DMXL1: variants seen among roughly 807,000 people sequenced by gnomAD.
The protein encoded by DMXL1 is dmX-like protein 1.
In DMXL1, 99 loss-of-function variants were observed where a neutral mutation model predicts 319.2. The ratio of observed to expected loss-of-function variants is 0.31; its 90% CI spans 0.26 to 0.37. The LOEUF (loss-of-function observed/expected upper bound fraction) is 0.37. Among genes scored for constraint, DMXL1 ranks in the 10% least tolerant of loss-of-function variants. DMXL1 has a pLI of 1.00. For missense variants in DMXL1, 3,745 were observed against 3,595.6 expected (o/e 1.04, Z -1.06); for synonymous variants, 1,385 against 1,235.2 (o/e 1.12, Z -2.54).
At chr5:119,080,377 A>T (rs1267985932) in intron 1 of DMXL1, among the ~76,000 whole-genome samples, 1 of 152,094 alleles carries the variant, frequency 6.6e-6, no homozygotes, top group East Asian at 1.9e-4. Context: ...AAAGTGTTCT[A>T]TACTCAGTCA....
Position 119,171,060 on chromosome 5 carries a change from A to T in DMXL1, c.6269A>T (p.Asn2090Ile). ...GAACTACAGTCTGCATTTGGCAGAAATGAAGATGAATTTGGATTAAATGAG... is the reference window on the plus strand; with the variant it reads ...GAACTACAGTCTGCATTTGGCAGAATTGAAGATGAATTTGGATTAAATGAG... ...AEELQSAFGR[N>I]EDEFGLNEDA... Residue 2090 changes from asparagine to isoleucine, a missense_variant, in exon 24 of 44, where the codon AAT becomes ATT. By Grantham distance (149) the Asn-to-Ile change is moderately radical. Around this residue, in one of 4 missense-constraint regions of DMXL1, gnomAD observed 1,382 missense variants for 1,269.5 expected, o/e 1.09. Transcript: ENST00000539542. 1 of 1,613,918 alleles carries T rather than the reference A, an allele frequency of 6.2e-7. No individual in the cohort carries two copies. The highest frequency in any genetic ancestry group is 8.5e-7 in the Non-Finnish European group (1 of 1,179,864).
chr5:119,235,783 TAGG>T (rs1787640224), intron 39 of DMXL1, among the ~76,000 whole-genome samples: 1 of 152,008 alleles, frequency 6.6e-6, no homozygotes, highest in African/African-American at 2.4e-5. Context: ...CACAAATAGA[TAGG>T]AGAACAATAT....
chr5:119,202,041 T>C (rs958951310), intron 32 of DMXL1, among the ~76,000 whole-genome samples: 3 of 152,216 alleles, frequency 2.0e-5, no homozygotes, highest in Non-Finnish European at 4.4e-5. Flanking sequence ...GTTGATCTTT[T>C]GAATGGTTTT....
chr5:119,200,448 C>G (rs531433689), intron 32 of DMXL1, among the ~76,000 whole-genome samples: 10 of 152,228 alleles, frequency 6.6e-5, no homozygotes, highest in African/African-American at 2.4e-4. Context: ...TGTTTTTGTA[C>G]CAATACTGTT....
At chr5:119,077,447 G>A (rs545510890) in intron 1 of DMXL1, among the ~76,000 whole-genome samples, 2 of 118,640 alleles carry the variant, frequency 1.7e-5, no homozygotes, top group Non-Finnish European at 3.6e-5. Context: ...TGATTTAGAA[G>A]TTTCATGTAT....
intron 15 of DMXL1, among the ~76,000 whole-genome samples, chr5:119,145,399 C>T (rs1245453439): frequency 1.3e-5 from 2 of 151,666 alleles, no homozygotes; most frequent in Non-Finnish European, 3.0e-5. Flanking sequence ...TGCTTTTAGT[C>T]TTCTATCAGT....
intron 1 of DMXL1, among the ~76,000 whole-genome samples, chr5:119,087,142 A>T (rs1281219882): frequency 1.3e-5 from 2 of 148,450 alleles, no homozygotes; most frequent in African/African-American, 5.1e-5. Context: ...CATTTCATTG[A>T]TCTTTTTTTT....
In DMXL1 at chr5:119,094,170, A is replaced by AGGCCT. The variant is rs758270910; in HGVS notation, c.88-3808_88-3804dup. On this transcript the variant is annotated intron_variant, in intron 1 of 43. Coordinates refer to ENST00000539542, the MANE Select transcript of DMXL1 (RefSeq NM_001290321.3). ...CTTCTGTTGGAAGAAGATGCCATCTAGGCCTTTCATAACTAGAGAGGAGAG... is the reference window on the plus strand; with the variant it reads ...CTTCTGTTGGAAGAAGATGCCATCTAGGCCTGGCCTTTCATAACTAGAGAGGAGAG... 2.8e-4 allele frequency among the ~76,000 whole-genome samples: 42 copies of AGGCCT among 152,366 alleles called. 1 individual carries two copies. The highest frequency in any genetic ancestry group is 2.2e-3 in the Admixed American group (33 of 15,306).
intron 9 of DMXL1, among the ~76,000 whole-genome samples, chr5:119,125,667 C>G (rs998155572): frequency 1.3e-5 from 2 of 152,032 alleles, no homozygotes; most frequent in Admixed American, 6.6e-5. Context: ...CGGGTTCATG[C>G]CATTCTCCTG....
chr5:119,092,371 T>C (rs1352585465), intron 1 of DMXL1, among the ~76,000 whole-genome samples: 1 of 152,148 alleles, frequency 6.6e-6, no homozygotes, highest in Non-Finnish European at 1.5e-5. Flanking sequence ...CTTTTCTCCT[T>C]AGCCTCCTGA....
chr5:119,154,731 A>G (rs892888207), intron 19 of DMXL1: 1 of 153,672 alleles, frequency 6.5e-6, no homozygotes, highest in African/African-American at 2.4e-5. Context: ...TAATGGATGA[A>G]GGTGGCTACA....
intron 25 of DMXL1, among the ~76,000 whole-genome samples, chr5:119,173,768 G>A (rs1294223111): frequency 0.025 from 902 of 35,484 alleles, 14 homozygotes; most frequent in South Asian, 0.045. Flanking sequence ...ATATATATAT[G>A]TGTGTGTGTA....
In DMXL1 at chr5:119,233,413, A is replaced by G. The variant is rs1581469044; in HGVS notation, c.8412A>G (p.Arg2804=). The G allele has an allele frequency of 6.2e-7, 1 of 1,612,780 alleles. No homozygotes were observed. ...ATTCTCAACAAATAACCTGTTTTCG[A>G]TCTGGTGGCAATTCAAGAGTTACAA... is the stretch of plus-strand genomic sequence containing the variant. The part of the protein sequence containing the change: ...WGHSQQITCF[R]SGGNSRVTRM... The change falls in exon 39 of 44, where the codon CGA becomes CGG. Residue 2804 remains arginine, a synonymous_variant. Coordinates refer to ENST00000539542, the MANE Select transcript of DMXL1 (RefSeq NM_001290321.3).
intron 42 of DMXL1, among the ~76,000 whole-genome samples, chr5:119,242,047 T>G (rs971201718): frequency 2.0e-4 from 30 of 152,236 alleles, no homozygotes; most frequent in African/African-American, 6.8e-4. Flanking sequence ...TTTCAATAAA[T>G]TTAACTTTTT....
chr5:119,234,397 T>C (rs1787338935), intron 39 of DMXL1, among the ~76,000 whole-genome samples: 3 of 152,170 alleles, frequency 2.0e-5, no homozygotes, highest in African/African-American at 7.2e-5. Flanking sequence ...CTCTAACTGA[T>C]GGTTCACCTT....
At chr5:119,129,675 C>T (rs537937042) in intron 10 of DMXL1, among the ~76,000 whole-genome samples, 1 of 152,290 alleles carries the variant, frequency 6.6e-6, no homozygotes, top group South Asian at 2.1e-4. Flanking sequence ...ATATAAAGGA[C>T]TATCTGTAGA....
At chr5:119,154,463 C>T (rs1373679612) in intron 19 of DMXL1, among the ~76,000 whole-genome samples, 1 of 152,206 alleles carries the variant, frequency 6.6e-6, no homozygotes, top group Non-Finnish European at 1.5e-5. Context: ...ATCGAACTAG[C>T]CACAAGATTC....
Position 119,106,272 on chromosome 5 carries a change from C to A in DMXL1, c.364+1014C>A, listed in dbSNP as rs185033528. ...TGAAAGTAGAAGCTGCAAGGAAGTC[C>A]CAGAATGTTATTGCTGCCACATTAT... On this transcript the variant is annotated intron_variant, in intron 4 of 43. Transcript: ENST00000539542. Among the ~76,000 whole-genome samples the A allele has an allele frequency of 2.0e-4, 30 of 152,162 alleles. No individual in the cohort carries two copies. In the East Asian group the frequency reaches 5.8e-3, roughly 29 times the overall value.
intron 19 of DMXL1, among the ~76,000 whole-genome samples, chr5:119,163,626 T>C (rs773332030): frequency 1.8e-4 from 28 of 152,200 alleles, no homozygotes; most frequent in Non-Finnish European, 3.7e-4. Flanking sequence ...TCTCACTCTG[T>C]TGCCCAGGCT....
Sources: gnomAD v4.1 joint callset for allele counts (sites outside exome capture counted in the v4.1 genomes callset) on GRCh38, gnomAD v4.1.1 for gene constraint, gnomAD v4.1.1 regional missense constraint, MANE v1.5 for transcripts, NCBI Gene and HGNC (gene_info 2026-07-23, HGNC 2026-07-21) for gene names.